SNX29: variants seen among roughly 807,000 people sequenced by gnomAD.
SNX29 encodes sorting nexin 29, also known as sorting nexin-29.
In SNX29, 78 loss-of-function variants were observed where a neutral mutation model predicts 102.1. That is an observed-to-expected ratio of 0.76 (90% CI 0.64 to 0.92). The LOEUF (loss-of-function observed/expected upper bound fraction) is 0.92. Ranked by LOEUF, SNX29 falls within the 40% of genes least tolerant of loss-of-function variation. The pLI is 0.00. For synonymous variants in SNX29, 580 were observed against 414.5 expected (o/e 1.40, Z -4.85); for missense variants, 1,280 against 1,061.7 (o/e 1.21, Z -2.86).
chr16:12,158,697 C>T (rs1306602369), intron 13 of SNX29, among the ~76,000 whole-genome samples: 1 of 152,246 alleles, frequency 6.6e-6, no homozygotes. Flanking sequence ...GAACATGCAA[C>T]GTGCACCGGA....
At chr16:12,093,603 C>G (rs987322085) in intron 11 of SNX29, 1 of 152,180 alleles carries the variant, frequency 6.6e-6, no homozygotes, top group Non-Finnish European at 1.5e-5. Context: ...GAGACCGTGT[C>G]TTAAAGAGAA....
intron 13 of SNX29, among the ~76,000 whole-genome samples, chr16:12,194,049 G>A (rs536894329): frequency 6.6e-6 from 1 of 152,236 alleles, no homozygotes; most frequent in Admixed American, 6.5e-5. Context: ...TTTTGATTGG[G>A]CTTTCATTAA....
chr16:12,360,223 T>C (rs1352432355), intron 16 of SNX29, among the ~76,000 whole-genome samples: 1 of 152,244 alleles, frequency 6.6e-6, no homozygotes, highest in East Asian at 1.9e-4. Context: ...TGTCTTTGTG[T>C]TGATCAGGAC....
intron 1 of SNX29, among the ~76,000 whole-genome samples, chr16:11,984,813 C>T (rs1033338305): frequency 1.3e-5 from 2 of 152,112 alleles, no homozygotes; most frequent in African/African-American, 4.8e-5. Context: ...CGCCACCACA[C>T]CCGTCTAACT....
At chr16:12,013,488 G>GAAAAAAAAAAAAAA (rs564156499) in intron 3 of SNX29, among the ~76,000 whole-genome samples, 1 of 12,980 alleles carries the variant, frequency 7.7e-5, no homozygotes, top group African/African-American at 1.9e-4. Flanking sequence ...TCTACTGGGG[G>GAAAAAAAAAAAAAA]AAAAAAAAAA....
chr16:12,274,082 C>A (rs546398307), intron 14 of SNX29, among the ~76,000 whole-genome samples: 2 of 152,284 alleles, frequency 1.3e-5, no homozygotes, highest in East Asian at 3.9e-4. Context: ...CTATGTATTA[C>A]GATTGCTAGA....
chr16:12,061,606 C>T lies in SNX29; in HGVS notation c.1203C>T (p.Ile401=). Residue 401 remains isoleucine, a synonymous_variant, in exon 9 of 21, where the codon ATC becomes ATT. Transcript: ENST00000566228. The part of the protein sequence containing the change: ...PLKVLHNDSD[I]LFPVSGVGSY... ...AGGTGCTGCACAATGACTCCGACAT[C>T]CTCTTCCCTGTCAGTGGCGTGGGCT... 1 of 1,612,174 alleles carries T rather than the reference C, an allele frequency of 6.2e-7. No homozygotes were observed. The highest frequency in any genetic ancestry group is 8.5e-7 in the Non-Finnish European group (1 of 1,179,350).
chr16:12,416,261 C>T (rs2084631838), intron 18 of SNX29, among the ~76,000 whole-genome samples: 1 of 152,088 alleles, frequency 6.6e-6, no homozygotes, highest in African/African-American at 2.4e-5. Flanking sequence ...CAGACGCAAG[C>T]AGAGCCCCGG....
intron 20 of SNX29, chr16:12,556,568 AAC>A (rs1242466827): frequency 1.3e-5 from 2 of 152,292 alleles, no homozygotes; most frequent in Admixed American, 6.5e-5. Flanking sequence ...TTTGATTCTG[AAC>A]ACAGTGGGAA....
chr16:12,040,733 T>C (rs1253287411), intron 4 of SNX29, among the ~76,000 whole-genome samples: 2 of 152,240 alleles, frequency 1.3e-5, no homozygotes, highest in Admixed American at 6.5e-5. Context: ...TTAATTGTAA[T>C]AGGAAAATGT....
chr16:12,220,394 A>G (rs2077445959), intron 14 of SNX29, among the ~76,000 whole-genome samples: 1 of 152,076 alleles, frequency 6.6e-6, no homozygotes, highest in Non-Finnish European at 1.5e-5. Context: ...AGGGGCCTGC[A>G]TAGGACCCAG....
At chr16:12,024,032 A>G (rs934439340) in intron 3 of SNX29, among the ~76,000 whole-genome samples, 3 of 152,196 alleles carry the variant, frequency 2.0e-5, no homozygotes, top group Non-Finnish European at 2.9e-5. Flanking sequence ...AGCCCTGGAA[A>G]TCAGACCATT....
In SNX29 at chr16:12,483,115, T is replaced by TTTTTG. The variant is rs1491324829; in HGVS notation, c.2178+5260_2178+5261insGTTTT. 3.5e-4 allele frequency among the ~76,000 whole-genome samples: 19 copies of TTTTTG among 54,768 alleles called. 1 individual carries two copies. Among genetic ancestry groups the TTTTTG allele is most frequent in the African/African-American group, 1.7e-3 (16 of 9,412 alleles). The allele number at this position is 54,768 out of a possible 152,430, so 35.9% of individuals were successfully genotyped here. ...ATAGATACATATTGAAGTTATTAAG[T>TTTTTG]TTTTTTTTTTTTTTTTTTTTTTTTT... is the stretch of plus-strand genomic sequence containing the variant. On this transcript the variant is annotated intron_variant, in intron 19 of 20. Coordinates refer to ENST00000566228, the MANE Select transcript of SNX29 (RefSeq NM_032167.5).
At chr16:12,539,771 TCC>T (rs1157470212) in intron 20 of SNX29, among the ~76,000 whole-genome samples, 1 of 152,244 alleles carries the variant, frequency 6.6e-6, no homozygotes. Flanking sequence ...ATTTGCATTT[TCC>T]TAATGAGTAA....
intron 20 of SNX29, among the ~76,000 whole-genome samples, chr16:12,542,163 G>A (rs1454359056): frequency 6.6e-6 from 1 of 152,146 alleles, no homozygotes; most frequent in Non-Finnish European, 1.5e-5. Flanking sequence ...GCTCCTGCTG[G>A]GTGTCAGGCC....
intron 14 of SNX29, among the ~76,000 whole-genome samples, chr16:12,264,238 G>T (rs2078860602): frequency 6.6e-6 from 1 of 152,162 alleles, no homozygotes; most frequent in South Asian, 2.1e-4. Context: ...TTTTTTAGCT[G>T]CCCCATATCT....
intron 13 of SNX29, among the ~76,000 whole-genome samples, chr16:12,142,647 C>T (rs1597029927): frequency 6.6e-6 from 1 of 152,012 alleles, no homozygotes; most frequent in African/African-American, 2.4e-5. Context: ...TCACTGCAAC[C>T]TCTGCCTCCC....
At chr16:12,484,018 C>T (rs1193429225) in intron 19 of SNX29, among the ~76,000 whole-genome samples, 2 of 152,200 alleles carry the variant, frequency 1.3e-5, no homozygotes, top group African/African-American at 4.8e-5. Context: ...CATTGTTCAG[C>T]GGGACTGAGA....
At chr16:12,452,922 T>G (rs957834793) in intron 18 of SNX29, among the ~76,000 whole-genome samples, 5 of 152,132 alleles carry the variant, frequency 3.3e-5, no homozygotes, top group African/African-American at 1.2e-4. Context: ...CTGAGGCCGT[T>G]TGTTAGTAAG....
Sources: allele counts gnomAD v4.1 joint callset (sites outside exome capture counted in the v4.1 genomes callset), GRCh38; gene constraint gnomAD v4.1.1; transcripts MANE v1.5; gene names NCBI Gene and HGNC (gene_info 2026-07-23, HGNC 2026-07-21).